Variants in NECTIN2 observed in about 807,000 individuals in gnomAD.
NECTIN2 encodes nectin cell adhesion molecule 2.
Under a neutral mutation model 56.9 loss-of-function variants are expected in NECTIN2, and 23 were observed. That is an observed-to-expected ratio of 0.40 (90% CI 0.29 to 0.57). NECTIN2 has a LOEUF of 0.57. Ranked by LOEUF, NECTIN2 falls within the 20% of genes least tolerant of loss-of-function variation. The pLI, the probability that NECTIN2 is intolerant of heterozygous loss-of-function variation, is 0.38. For synonymous variants in NECTIN2, 302 were observed against 313.8 expected, an observed-to-expected ratio of 0.96 and a Z score of 0.40; for missense variants, 587 against 718.3, an observed-to-expected ratio of 0.82 and a Z score of 2.09.
At chr19:44,858,129 A>C (rs967934188) in intron 1 of NECTIN2, among the ~76,000 whole-genome samples, 18 of 152,224 alleles carry the variant, frequency 1.2e-4, no homozygotes, top group African/African-American at 4.3e-4. Flanking sequence ...CATTTCGCAT[A>C]GCTCAGACTG....
chr19:44,858,676 T>G (rs1258973559), intron 1 of NECTIN2, among the ~76,000 whole-genome samples: 1 of 151,824 alleles, frequency 6.6e-6, no homozygotes, highest in East Asian at 1.9e-4. Context: ...CGAGTCTCTC[T>G]CTGTCACCCA....
At chr19:44,868,938 C>T (rs1969138097) in intron 2 of NECTIN2, among the ~76,000 whole-genome samples, 1 of 151,442 alleles carries the variant, frequency 6.6e-6, no homozygotes, top group African/African-American at 2.4e-5. Flanking sequence ...TGTTGGAAGT[C>T]CCCTGGGAGC....
chr19:44,881,216 C>G (rs998745837), intron 5 of NECTIN2, among the ~76,000 whole-genome samples: 6 of 152,126 alleles, frequency 3.9e-5, no homozygotes, highest in African/African-American at 1.2e-4. Context: ...CCCTAACCCC[C>G]TTCCTGATAA....
At chr19:44,873,638 C>A (rs201598099) in intron 3 of NECTIN2, among the ~76,000 whole-genome samples, 7 of 88,536 alleles carry the variant, frequency 7.9e-5, no homozygotes, top group African/African-American at 3.1e-4. Flanking sequence ...GTCTCAAAAA[C>A]ACACACACAC....
intron 1 of NECTIN2, among the ~76,000 whole-genome samples, chr19:44,860,925 C>T (rs1969024552): frequency 6.7e-6 from 1 of 148,440 alleles, no homozygotes; most frequent in South Asian, 2.1e-4. Context: ...AATTGTGTAG[C>T]GTAAGAATTT....
chr19:44,878,677 C>T (rs549409521), intron 5 of NECTIN2: 13 of 1,537,136 alleles, frequency 8.5e-6, no homozygotes, highest in Admixed American at 5.9e-5. Flanking sequence ...GACCTGACCA[C>T]GCCGGCCTAG....
chr19:44,878,558 G>A, intron 5 of NECTIN2: 1 of 1,613,832 alleles, frequency 6.2e-7, no homozygotes, highest in Non-Finnish European at 8.5e-7. Context: ...CCCAGCACTC[G>A]AGGATGACAT....
At position 44,871,840 on chromosome 19, in the gene NECTIN2, C is replaced by T. The variant is rs770800979; in HGVS notation, c.479-13C>T. 4.4e-6 allele frequency: 7 copies of T among 1,608,528 alleles called. No homozygotes were observed. The highest frequency in any genetic ancestry group is 2.2e-5 in the South Asian group (2 of 90,972). ...GGTGAGGAGTGACGCACCCCCTCTC[C>T]TCCTCTCCCCAGCCAAGCCCAAGAA... On this transcript the variant is annotated splice_polypyrimidine_tract_variant and intron_variant, in intron 2 of 8. Coordinates refer to ENST00000252483, the MANE Select transcript of NECTIN2 (RefSeq NM_001042724.2).
intron 1 of NECTIN2, among the ~76,000 whole-genome samples, chr19:44,864,012 T>TTCCC (rs33951304): frequency 0.02 from 2,998 of 146,538 alleles, 38 homozygotes; most frequent in Non-Finnish European, 0.027. Context: ...TTCAGAGGAT[T>TTCCC]CCCCCCCCCC....
intron 1 of NECTIN2, among the ~76,000 whole-genome samples, chr19:44,847,921 G>C (rs2122618127): frequency 6.6e-6 from 1 of 152,186 alleles, no homozygotes; most frequent in African/African-American, 2.4e-5. Flanking sequence ...GGAGGAGAGC[G>C]GCCCCCCTGG....
intron 6 of NECTIN2, among the ~76,000 whole-genome samples, chr19:44,883,820 G>T (rs1339993367): frequency 6.6e-6 from 1 of 151,948 alleles, no homozygotes; most frequent in Non-Finnish European, 1.5e-5. Flanking sequence ...GCAAGACCCT[G>T]TATCTTAAAA....
intron 3 of NECTIN2, among the ~76,000 whole-genome samples, chr19:44,873,008 A>C (rs73936966): frequency 0.027 from 4,140 of 151,552 alleles, 195 homozygotes; most frequent in African/African-American, 0.094. Context: ...TCTTCCAGAA[A>C]CTGCCTATAC....
At chr19:44,871,247 G>A (rs1027568790) in intron 2 of NECTIN2, among the ~76,000 whole-genome samples, 3 of 152,062 alleles carry the variant, frequency 2.0e-5, no homozygotes, top group Admixed American at 6.5e-5. Context: ...ACAGTATACC[G>A]AAATGGCCAG....
chr19:44,878,790 T>A lies in NECTIN2; in HGVS notation c.1043-3421T>A, dbSNP rs1037439420. ...GGGAGGTGGAACAGCACACTGGACT[T>A]CTCCCGTCTCTAGGGCTGCATGGGG... On this transcript the variant is annotated intron_variant, in intron 5 of 8. Coordinates refer to ENST00000252483, the MANE Select transcript of NECTIN2 (RefSeq NM_001042724.2). 40 of 1,406,912 alleles carry A rather than the reference T, an allele frequency of 2.8e-5. No homozygotes were observed. The African/African-American group carries it at 4.9e-4, about 17-fold the overall frequency. The allele number at this position is 1,406,912 out of a possible 1,614,324, so 87.2% of individuals were successfully genotyped here.
chr19:44,855,577 GTCAAGCCTCT>G (rs1223903132), intron 1 of NECTIN2, among the ~76,000 whole-genome samples: 2 of 151,992 alleles, frequency 1.3e-5, no homozygotes, highest in East Asian at 3.9e-4. Flanking sequence ...CTTCAGACAG[GTCAAGCCTCT>G]TCAGGTTCCT....
At chr19:44,878,159 G>GCGATCCT (rs1208406197) in intron 5 of NECTIN2, 1 of 622,164 alleles carries the variant, frequency 1.6e-6, no homozygotes, top group Admixed American at 2.9e-5. Context: ...ACTCCCCAGA[G>GCGATCCT]CGATCCTCGT....
At chr19:44,876,037 G>A (rs543594487) in intron 5 of NECTIN2, among the ~76,000 whole-genome samples, 76 of 152,214 alleles carry the variant, frequency 5.0e-4, no homozygotes, top group African/African-American at 1.7e-3. Flanking sequence ...ACCCTCAGAC[G>A]GAAAATCAAA....
intron 1 of NECTIN2, among the ~76,000 whole-genome samples, chr19:44,864,191 A>G (rs1032258663): frequency 1.3e-5 from 2 of 151,954 alleles, no homozygotes; most frequent in African/African-American, 2.4e-5. Flanking sequence ...CAAACAAAAA[A>G]TACAAATTAG....
chr19:44,881,117 T>C (rs1355798544), intron 5 of NECTIN2, among the ~76,000 whole-genome samples: 1 of 151,718 alleles, frequency 6.6e-6, no homozygotes, highest in Non-Finnish European at 1.5e-5. Flanking sequence ...GATGAGGTCT[T>C]GTGCTCGTTG....
Sources: gnomAD v4.1 joint callset for allele counts (sites outside exome capture counted in the v4.1 genomes callset) on GRCh38, gnomAD v4.1.1 for gene constraint, MANE v1.5 for transcripts, NCBI Gene and HGNC (gene_info 2026-07-23, HGNC 2026-07-21) for gene names.